NAPEPLD: variants seen among roughly 807,000 people sequenced by gnomAD.
The protein encoded by NAPEPLD is N-acyl-phosphatidylethanolamine-hydrolyzing phospholipase D.
Under a neutral mutation model 38.1 loss-of-function variants are expected in NAPEPLD, and 23 were observed. The ratio of observed to expected loss-of-function variants is 0.60; its 90% CI spans 0.43 to 0.86. The LOEUF is 0.86. Among genes scored for constraint, NAPEPLD ranks in the 40% least tolerant of loss-of-function variants. NAPEPLD has a pLI of 0.00. For synonymous variants in NAPEPLD, 147 were observed against 162.0 expected (o/e 0.91, Z 0.71); for missense variants, 411 against 476.8 (o/e 0.86, Z 1.28).
At chr7:103,149,306 C>T (rs1010863022), upstream of NAPEPLD, 18 of 1,081,690 alleles carry the variant, frequency 1.7e-5, no homozygotes, top group African/African-American at 3.1e-4. Context: ...CGGGAGCGCG[C>T]GCCGCCTCAG....
At chr7:103,143,559 G>A (rs1436523190) in intron 1 of NAPEPLD, among the ~76,000 whole-genome samples, 1 of 152,106 alleles carries the variant, frequency 6.6e-6, no homozygotes, top group Non-Finnish European at 1.5e-5. Flanking sequence ...GTCTCCTTAA[G>A]GGAAAGGGAG....
At chr7:103,114,876 T>G (rs555750205) in intron 4 of NAPEPLD, among the ~76,000 whole-genome samples, 184 bp downstream of exon 4, 1 of 150,808 alleles carries the variant, frequency 6.6e-6, no homozygotes, top group South Asian at 2.1e-4. Flanking sequence ...TTTTTTTTTC[T>G]GACTGTATAT....
intron 4 of NAPEPLD, among the ~76,000 whole-genome samples, chr7:103,104,579 T>C (rs1261463158): frequency 6.6e-6 from 1 of 152,228 alleles, no homozygotes. Flanking sequence ...CCAGGTTTTA[T>C]GGCTATGTTT....
intron 4 of NAPEPLD, among the ~76,000 whole-genome samples, chr7:103,107,340 T>G (rs1704030142): frequency 6.6e-6 from 1 of 151,686 alleles, no homozygotes; most frequent in African/African-American, 2.4e-5. Context: ...TAACACTTCC[T>G]CTCCTCCAAA....
chr7:103,110,950 AG>A (rs1234686435), intron 4 of NAPEPLD, among the ~76,000 whole-genome samples: 1 of 151,970 alleles, frequency 6.6e-6, no homozygotes, highest in Admixed American at 6.6e-5. Context: ...CAAACTCAAA[AG>A]CGAGCAGAAG....
At chr7:103,135,363 C>G (rs1438446105) in intron 1 of NAPEPLD, among the ~76,000 whole-genome samples, 1 of 152,184 alleles carries the variant, frequency 6.6e-6, no homozygotes, top group African/African-American at 2.4e-5. Context: ...TAAAATTAAA[C>G]TGTTCCCATC....
chr7:103,118,359 T>G (rs950989272), intron 3 of NAPEPLD, among the ~76,000 whole-genome samples: 1 of 152,198 alleles, frequency 6.6e-6, no homozygotes, highest in African/African-American at 2.4e-5. Context: ...CAATATTGAT[T>G]TGTAATCATT....
intron 1 of NAPEPLD, among the ~76,000 whole-genome samples, chr7:103,140,742 G>A (rs1169519932): frequency 1.3e-5 from 2 of 152,020 alleles, no homozygotes; most frequent in African/African-American, 2.4e-5. Context: ...TCACCAGAAG[G>A]CTCTCATTAG....
At chr7:103,129,195 G>A (rs1808438016) in intron 1 of NAPEPLD, 1 of 474,114 alleles carries the variant, frequency 2.1e-6, no homozygotes, top group Non-Finnish European at 2.8e-6. Context: ...AACCCTGGAG[G>A]TGGAGGTTGT....
intron 2 of NAPEPLD, among the ~76,000 whole-genome samples, chr7:103,120,701 C>CTT (rs869141133): frequency 0.037 from 3,024 of 82,364 alleles, 813 homozygotes; most frequent in Admixed American, 0.063. Context: ...TGATATTTTT[C>CTT]TTTTTTTTTT....
chr7:103,148,051 A>G (rs1242433885), intron 1 of NAPEPLD: 1 of 984,192 alleles, frequency 1.0e-6, no homozygotes, highest in African/African-American at 1.7e-5. Flanking sequence ...TAAAGATTAC[A>G]TAACTTCTTT....
chr7:103,110,493 G>A (rs1804297390), intron 4 of NAPEPLD, among the ~76,000 whole-genome samples: 1 of 152,114 alleles, frequency 6.6e-6, no homozygotes, highest in Admixed American at 6.5e-5. Context: ...CCACATGATT[G>A]TCTCAATAGA....
At chr7:103,106,341 C>T (rs2129526563) in intron 4 of NAPEPLD, among the ~76,000 whole-genome samples, 1 of 151,966 alleles carries the variant, frequency 6.6e-6, no homozygotes, top group Non-Finnish European at 1.5e-5. Flanking sequence ...ACCAAACTAG[C>T]TGCGGGAGCT....
At chr7:103,137,637 T>C (rs1277206613) in intron 1 of NAPEPLD, among the ~76,000 whole-genome samples, 1 of 152,018 alleles carries the variant, frequency 6.6e-6, no homozygotes, top group African/African-American at 2.4e-5. Flanking sequence ...TATACCTAAA[T>C]GATATACATA....
chr7:103,133,736 C>G (rs1024861324), intron 1 of NAPEPLD, among the ~76,000 whole-genome samples: 1 of 152,208 alleles, frequency 6.6e-6, no homozygotes, highest in Admixed American at 6.5e-5. Context: ...CAAACTATTT[C>G]TTGTTATGTA....
intron 2 of NAPEPLD, among the ~76,000 whole-genome samples, chr7:103,124,806 G>T (rs1376158338): frequency 6.6e-6 from 1 of 152,174 alleles, no homozygotes; most frequent in East Asian, 1.9e-4. Context: ...GCAGACTGGG[G>T]TCACTAAGAA....
intron 2 of NAPEPLD, among the ~76,000 whole-genome samples, chr7:103,120,954 A>G (rs1806572941): frequency 6.6e-6 from 1 of 151,960 alleles, no homozygotes; most frequent in Non-Finnish European, 1.5e-5. Context: ...TCAAGCAATC[A>G]TCCTGTCTTG....
At chr7:103,146,885 T>A (rs988734784) in intron 1 of NAPEPLD, among the ~76,000 whole-genome samples, 8 of 152,190 alleles carry the variant, frequency 5.3e-5, no homozygotes, top group African/African-American at 1.7e-4. Flanking sequence ...ATTTTCCTCA[T>A]CTGTGGAACA....
intron 3 of NAPEPLD, among the ~76,000 whole-genome samples, chr7:103,119,137 A>G (rs1198852604): frequency 6.6e-6 from 1 of 152,232 alleles, no homozygotes; most frequent in African/African-American, 2.4e-5. Flanking sequence ...GTTGAATGGT[A>G]TGTGAACTTC....
Sources: gnomAD v4.1 joint callset for allele counts (sites outside exome capture counted in the v4.1 genomes callset) on GRCh38, gnomAD v4.1.1 for gene constraint, MANE v1.5 for transcripts, NCBI Gene and HGNC (gene_info 2026-07-23, HGNC 2026-07-21) for gene names.